Variants in PRKACB observed in about 807,000 individuals in gnomAD.
The protein encoded by PRKACB is protein kinase cAMP-activated catalytic subunit beta, also known as cAMP-dependent protein kinase catalytic subunit beta.
Under a neutral mutation model 51.4 loss-of-function variants are expected in PRKACB, and 16 were observed. The observed-to-expected ratio is 0.31, with a 90% CI of 0.21 to 0.47. The LOEUF is 0.47. Ranked by LOEUF, PRKACB falls within the 20% of genes least tolerant of loss-of-function variation. The pLI, the probability that PRKACB is intolerant of heterozygous loss-of-function variation, is 1.00. For synonymous variants in PRKACB, 147 were observed against 154.4 expected (o/e 0.95, Z 0.35); for missense variants, 309 against 464.5 (o/e 0.67, Z 3.08).
chr1:84,108,640 C>T (rs530435466), intron 1 of PRKACB, among the ~76,000 whole-genome samples: 1 of 151,966 alleles, frequency 6.6e-6, no homozygotes, highest in African/African-American at 2.4e-5. Flanking sequence ...TTTTATTAAC[C>T]TCATTTGCAG....
chr1:84,155,212 CAATAGTGTTTCTGCATACT>C (rs1299289350), intron 1 of PRKACB, among the ~76,000 whole-genome samples: 3 of 151,926 alleles, frequency 2.0e-5, no homozygotes, highest in African/African-American at 7.3e-5. Context: ...ATGCATAAAT[CAATAGTGTTTCTGCATACT>C]AACAATGAAC....
intron 1 of PRKACB, among the ~76,000 whole-genome samples, chr1:84,166,059 T>C (rs970964616): frequency 2.6e-5 from 4 of 151,696 alleles, no homozygotes; most frequent in African/African-American, 9.7e-5. Context: ...TTCTTTATCC[T>C]GCTACAGTAC....
At chr1:84,196,594 C>T in intron 5 of PRKACB, 22 bp from the exon 6 acceptor site, 1 of 1,597,146 alleles carries the variant, frequency 6.3e-7, no homozygotes, top group Non-Finnish European at 8.5e-7. Context: ...TACAGAAAAT[C>T]AATGGTTTTA....
chr1:84,182,548 A>C (rs1221786940), intron 3 of PRKACB, among the ~76,000 whole-genome samples: 2 of 152,018 alleles, frequency 1.3e-5, no homozygotes, highest in African/African-American at 2.4e-5. Flanking sequence ...CATGGATTTA[A>C]CCAATCACAG....
intron 9 of PRKACB, among the ~76,000 whole-genome samples, chr1:84,221,963 A>G (rs1339375127): frequency 6.6e-6 from 1 of 152,134 alleles, no homozygotes; most frequent in Non-Finnish European, 1.5e-5. Flanking sequence ...AGTGCAGTTT[A>G]TGTCCAATTT....
chr1:84,180,812 T>G (rs1663173270), intron 2 of PRKACB, among the ~76,000 whole-genome samples: 1 of 151,740 alleles, frequency 6.6e-6, no homozygotes, highest in South Asian at 2.1e-4. Flanking sequence ...ATAAGAGAGG[T>G]AAGGAAGATA....
intron 1 of PRKACB, 44 bp from the exon 2 acceptor site, chr1:84,179,129 TATAA>T: frequency 6.6e-7 from 1 of 1,509,022 alleles, no homozygotes; most frequent in Non-Finnish European, 9.0e-7. Flanking sequence ...TTATACAGAA[TATAA>T]ATATTCTTAC....
chr1:84,137,165 TC>T (rs1652912654), intron 1 of PRKACB, among the ~76,000 whole-genome samples: 1 of 152,088 alleles, frequency 6.6e-6, no homozygotes, highest in South Asian at 2.1e-4. Flanking sequence ...CTCAAACAGT[TC>T]CTTATAGCAG....
intron 9 of PRKACB, among the ~76,000 whole-genome samples, chr1:84,218,651 C>G (rs655181): frequency 0.95 from 145,116 of 152,290 alleles, 69,550 homozygotes; most frequent in East Asian, 1. Context: ...TACTGATTTC[C>G]TTTGGATTAA....
intron 1 of PRKACB, among the ~76,000 whole-genome samples, chr1:84,171,962 A>G (rs945750095): frequency 6.6e-6 from 1 of 151,722 alleles, no homozygotes; most frequent in Non-Finnish European, 1.5e-5. Context: ...TAAATCTAAT[A>G]AAAGTGTAAT....
chr1:84,234,708 T>C (rs970294646), intron 9 of PRKACB, among the ~76,000 whole-genome samples: 6 of 152,176 alleles, frequency 3.9e-5, no homozygotes, highest in African/African-American at 1.4e-4. Flanking sequence ...TTTCTTTGAC[T>C]AGGAAAGGGA....
chr1:84,140,559 A>G (rs1274240824), upstream of PRKACB, among the ~76,000 whole-genome samples: 1 of 152,138 alleles, frequency 6.6e-6, no homozygotes, highest in Non-Finnish European at 1.5e-5. Flanking sequence ...TTTTTCTTTT[A>G]TTTAACCTTT....
intron 1 of PRKACB, among the ~76,000 whole-genome samples, chr1:84,115,859 G>C (rs1571638921): frequency 9.6e-6 from 1 of 103,810 alleles, no homozygotes; most frequent in South Asian, 3.4e-4. Context: ...TCCAGCCTGG[G>C]CAACAAGAGA....
chr1:84,102,259 C>T (rs1649404722), intron 1 of PRKACB, among the ~76,000 whole-genome samples: 1 of 151,158 alleles, frequency 6.6e-6, no homozygotes, highest in African/African-American at 2.4e-5. Context: ...TGGTGTTGGG[C>T]ACCTGTAGTC....
chr1:84,218,332 G>A (rs1673173467), intron 9 of PRKACB, among the ~76,000 whole-genome samples: 1 of 152,078 alleles, frequency 6.6e-6, no homozygotes. Context: ...ATCCTTCTCA[G>A]CCTCTGGTAG....
chr1:84,154,428 C>A (rs934659071), intron 1 of PRKACB, among the ~76,000 whole-genome samples: 1 of 152,004 alleles, frequency 6.6e-6, no homozygotes, highest in Non-Finnish European at 1.5e-5. Flanking sequence ...ATCAAAAAAA[C>A]CCCAAACAAA....
chr1:84,167,085 C>A (rs1280144352), intron 1 of PRKACB, among the ~76,000 whole-genome samples: 1 of 151,516 alleles, frequency 6.6e-6, no homozygotes, highest in East Asian at 1.9e-4. Context: ...GATTCTACAT[C>A]AAAAATCACT....
chr1:84,237,502 C>T lies in PRKACB; in HGVS notation c.*2197C>T, dbSNP rs912413633. On this transcript the variant is annotated 3_prime_UTR_variant, in exon 10 of 10. Coordinates refer to ENST00000370685, the MANE Select transcript of PRKACB (RefSeq NM_182948.4). ...CTTAGGTAGATGATCCCTAGACATA[C>T]GTTGGTTTTGAGGGCTATTCAGCCA... is the stretch of plus-strand genomic sequence containing the variant. 5.9e-5 allele frequency: 9 copies of T among 152,438 alleles called. No individual in the cohort carries two copies. The highest frequency in any genetic ancestry group is 1.9e-4 in the East Asian group (1 of 5,196). 9.4% of individuals were successfully genotyped at this position (152,438 alleles called of 1,614,324 possible). A position where few individuals can be genotyped will look rare whatever the true frequency, so the allele number is the denominator to read the frequency against.
chr1:84,237,111 A>C lies in PRKACB; in HGVS notation c.*1806A>C, dbSNP rs2101742391. ...GCATGGTAATGTCATGTAAATGCTG[A>C]TATTGATTTCACTGGTCCATCTATA... On this transcript the variant is annotated 3_prime_UTR_variant, in exon 10 of 10. Coordinates refer to ENST00000370685, the MANE Select transcript of PRKACB (RefSeq NM_182948.4). The C allele has an allele frequency of 6.6e-6, 1 of 152,610 alleles. No homozygotes were observed. Among genetic ancestry groups the C allele is most frequent in the South Asian group, 2.1e-4 (1 of 4,828 alleles). 9.5% of individuals were successfully genotyped at this position (152,610 alleles called of 1,614,324 possible). A position where few individuals can be genotyped will look rare whatever the true frequency, so the allele number is the denominator to read the frequency against.
Sources: allele counts gnomAD v4.1 joint callset (sites outside exome capture counted in the v4.1 genomes callset), GRCh38; gene constraint gnomAD v4.1.1; transcripts MANE v1.5; gene names NCBI Gene and HGNC (gene_info 2026-07-23, HGNC 2026-07-21).